Variants in FMNL1 observed in about 807,000 individuals in gnomAD.
FMNL1 encodes formin-like protein 1.
A neutral mutation model predicts 121.3 loss-of-function variants in FMNL1; 43 were observed. That is an observed-to-expected ratio of 0.35 (90% CI 0.28 to 0.46). FMNL1 has a LOEUF of 0.46. Ranked by LOEUF, FMNL1 falls within the 20% of genes least tolerant of loss-of-function variation. The probability of loss-of-function intolerance (pLI) is 1.00; values close to 1 mark genes in which losing one functional copy is unlikely to be tolerated. For synonymous variants in FMNL1, 613 were observed against 613.5 expected, an observed-to-expected ratio of 1.00 and a Z score of 0.01; for missense variants, 1,191 against 1,482.4, an observed-to-expected ratio of 0.80 and a Z score of 3.23.
intron 10 of FMNL1, 113 bp from the exon 11 acceptor site, chr17:45,238,842 T>G: frequency 9.1e-7 from 1 of 1,102,984 alleles, no homozygotes. Context: ...AGGCTGGGAG[T>G]TAGTGGAGTG....
chr17:45,238,757 G>A, intron 10 of FMNL1, 119 bp downstream of exon 10: 5 of 1,301,638 alleles, frequency 3.8e-6, no homozygotes, highest in Middle Eastern at 2.0e-4. Flanking sequence ...AGGACTGAGT[G>A]GTCAGTAGGG....
chr17:45,236,197 G>A lies in FMNL1; in HGVS notation c.676G>A (p.Asp226Asn), dbSNP rs2043546012. The A allele has an allele frequency of 6.2e-7, 1 of 1,614,006 alleles. No homozygotes were observed. The highest frequency in any genetic ancestry group is 8.5e-7 in the Non-Finnish European group (1 of 1,180,030). ...RNSRIVSQKD[D>N]VHVCIMCLRA... ...TTCCCGCATCGTCAGCCAGAAGGAC[G>A]ACGTCCACGTCTGTATTATGTGCCT... is the stretch of plus-strand genomic sequence containing the variant. Residue 226 changes from aspartate (D) to asparagine (N), a missense_variant, in exon 7 of 27, where the codon GAC becomes AAC. Physicochemically the swap from Asp to Asn is conservative, Grantham distance 23. Coordinates refer to ENST00000331495, the MANE Select transcript of FMNL1 (RefSeq NM_005892.4).
intron 19 of FMNL1, 47 bp from the exon 20 acceptor site, chr17:45,244,772 G>A (rs897289653): frequency 6.4e-7 from 1 of 1,571,844 alleles, no homozygotes; most frequent in African/African-American, 1.4e-5. Flanking sequence ...CTTAAGCGGT[G>A]TCCTCAGCTC....
intron 2 of FMNL1, 100 bp downstream of exon 2, chr17:45,230,787 C>A (rs918317363): frequency 3.1e-6 from 4 of 1,296,818 alleles, no homozygotes; most frequent in African/African-American, 2.9e-5. Context: ...CCATACTGCC[C>A]ATGGAGCCAA....
intron 23 of FMNL1, 70 bp downstream of exon 23, chr17:45,245,803 TG>T: frequency 7.4e-7 from 1 of 1,346,284 alleles, no homozygotes; most frequent in Non-Finnish European, 9.8e-7. Flanking sequence ...AGCGGAGGGG[TG>T]GGGCTGCTTC....
intron 11 of FMNL1, among the ~76,000 whole-genome samples, chr17:45,239,756 T>G (rs184770411): frequency 6.6e-6 from 1 of 151,754 alleles, no homozygotes; most frequent in Admixed American, 6.5e-5. Context: ...CTTGAAAACA[T>G]GCTAAGTGAA....
chr17:45,242,867 G>A (rs374676069), intron 16 of FMNL1, among the ~76,000 whole-genome samples: 12 of 152,170 alleles, frequency 7.9e-5, no homozygotes, highest in African/African-American at 1.9e-4. Context: ...CCTTTTTACC[G>A]CTGGCCAGTT....
chr17:45,243,327 G>A lies in FMNL1; in HGVS notation c.2213+7G>A, dbSNP rs1431658533. On this transcript the variant is annotated splice_region_variant and intron_variant, in intron 17 of 26. Coordinates refer to ENST00000331495, the MANE Select transcript of FMNL1 (RefSeq NM_005892.4). ...TCTGCCAAGCCATTGAGGCGTGAGT[G>A]TCCCTGTCCTGGGTTTGTGGGCAGT... 2.5e-6 allele frequency: 4 copies of A among 1,612,682 alleles called. No homozygotes were observed. The highest frequency in any genetic ancestry group is 2.2e-5 in the South Asian group (2 of 91,040).
chr17:45,243,192 C>T lies in FMNL1; in HGVS notation c.2085C>T (p.Leu695=). Residue 695 remains leucine (L), a synonymous_variant, in exon 17 of 27, where the codon CTC becomes CTT. Coordinates refer to ENST00000331495, the MANE Select transcript of FMNL1 (RefSeq NM_005892.4). ...SQGPSLDLSA[L]KSKAAQKAPS... ...GCCCCAGCCTGGACCTCAGCGCTCT[C>T]AAGAGTAAGGCAGCCCAGAAGGCCC... is the stretch of plus-strand genomic sequence containing the variant. 1.2e-6 allele frequency: 2 copies of T among 1,614,226 alleles called. No homozygotes were observed. Among genetic ancestry groups the T allele is most frequent in the Non-Finnish European group, 1.7e-6 (2 of 1,180,040 alleles).
chr17:45,238,476 G>A, intron 9 of FMNL1, 88 bp from the exon 10 acceptor site: 1 of 1,344,892 alleles, frequency 7.4e-7, no homozygotes, highest in Non-Finnish European at 1.1e-6. Context: ...AACTGGAGAG[G>A]AGCCTGTTGA....
Position 45,231,311 on chromosome 17 carries a change from G to A in FMNL1, c.213+624G>A, listed in dbSNP as rs2043433033. 1 of 152,204 alleles carries A rather than the reference G, an allele frequency of 6.6e-6. No individual in the cohort carries two copies. The highest frequency in any genetic ancestry group is 2.1e-4 in the South Asian group (1 of 4,864). The allele number at this position is 152,204 out of a possible 1,614,324, so 9.4% of individuals were successfully genotyped here. On this transcript the variant is annotated intron_variant, in intron 2 of 26. Transcript: ENST00000331495. This position sits in a 1 kb window ranked among gnomAD's most constrained non-coding sequence, Gnocchi z 4.7. ...GGCTCGGCTGCCGCAGGGATTCTGT[G>A]AAGGAGGGAGGCTGCAGAGGCTGGG...
Position 45,243,285 on chromosome 17 carries a change from C to T in FMNL1, c.2178C>T (p.Asn726=). ...TGGCCATCACCCTGCGGAAGGGCAACCTGGGGGCCGAGCGCATCTGCCAAG... is the reference window on the plus strand; with the variant it reads ...TGGCCATCACCCTGCGGAAGGGCAATCTGGGGGCCGAGCGCATCTGCCAAG... ...KNLAITLRKG[N]LGAERICQAI... The change falls in exon 17 of 27, where the codon AAC becomes AAT. Residue 726 remains asparagine, a synonymous_variant. Transcript: ENST00000331495. The T allele has an allele frequency of 6.2e-7, 1 of 1,613,750 alleles. No homozygotes were observed. Among genetic ancestry groups the T allele is most frequent in the South Asian group, 1.1e-5 (1 of 91,080 alleles).
Position 45,237,514 on chromosome 17 carries a change from C to A in FMNL1, c.801-32C>A, listed in dbSNP as rs377527873. 1.9e-6 allele frequency: 3 copies of A among 1,613,656 alleles called. No individual in the cohort carries two copies. The highest frequency in any genetic ancestry group is 2.5e-6 in the Non-Finnish European group (3 of 1,179,596). ...ACCCTTGCCGCGGGTCCTGCCTGTT[C>A]TCAAGGGACAACCTGCCCCTTCTCT... On this transcript the variant is annotated intron_variant, in intron 8 of 26. Coordinates refer to ENST00000331495, the MANE Select transcript of FMNL1 (RefSeq NM_005892.4). The surrounding 1 kb of genome is among the most constrained non-coding windows in gnomAD (Gnocchi z 4.4).
Position 45,245,422 on chromosome 17 carries a change from C to G in FMNL1, c.2892+6C>G. The G allele has an allele frequency of 6.2e-7, 1 of 1,614,080 alleles. No homozygotes were observed. The highest frequency in any genetic ancestry group is 1.1e-5 in the South Asian group (1 of 91,076). On this transcript the variant is annotated splice_donor_region_variant and intron_variant, in intron 22 of 26. Transcript: ENST00000331495. ...CAGACAGCAAGACGGCTCAGGTGCG[C>G]CAGGGCTGGCCTCACCTGGAGGTGG...
Position 45,232,349 on chromosome 17 carries a change from C to T in FMNL1, c.214-18C>T, listed in dbSNP as rs1338631595. Reference sequence around the variant, plus strand: ...TAGCTCTGGCTGGTTTTCTGTACACCCCATTCCATCTCCCCAGGAGCGGTT... The same window carrying T: ...TAGCTCTGGCTGGTTTTCTGTACACTCCATTCCATCTCCCCAGGAGCGGTT... On this transcript the variant is annotated intron_variant, in intron 2 of 26. Transcript: ENST00000331495. The T allele has an allele frequency of 6.2e-7, 1 of 1,611,814 alleles. No individual in the cohort carries two copies. Among genetic ancestry groups the T allele is most frequent in the East Asian group, 2.2e-5 (1 of 44,880 alleles).
At chr17:45,235,934 C>T (rs957347438) in intron 6 of FMNL1, among the ~76,000 whole-genome samples, 2 of 152,174 alleles carry the variant, frequency 1.3e-5, no homozygotes, top group Admixed American at 6.5e-5. Context: ...TTCTGTGTCC[C>T]CCCTCCTCCA....
At chr17:45,242,999 A>G (rs74894402) in intron 16 of FMNL1, 119 bp from the exon 17 acceptor site, 35,386 of 1,089,102 alleles carry the variant, frequency 0.032, 2,335 homozygotes, top group East Asian at 0.27. Context: ...AGGCTGGGTT[A>G]CTGGTTCTCT....
At chr17:45,229,881 C>T (rs1287613156) in intron 1 of FMNL1, among the ~76,000 whole-genome samples, 1 of 152,170 alleles carries the variant, frequency 6.6e-6, no homozygotes, top group Non-Finnish European at 1.5e-5. Flanking sequence ...TGGCTCTTCT[C>T]CCCAGTGCTG....
Position 45,231,827 on chromosome 17 carries a change from CCCG to C in FMNL1, c.214-536_214-534del, listed in dbSNP as rs1183521631. Among the ~76,000 whole-genome samples the C allele has an allele frequency of 6.6e-6, 1 of 152,146 alleles. No individual in the cohort carries two copies. The highest frequency in any genetic ancestry group is 1.5e-5 in the Non-Finnish European group (1 of 67,994). The stretch of plus-strand genomic sequence containing the variant: ...CACGAGGCACCTCCAGCCGTCCTTC[CCCG>C]CCGTATGCCAGCTCTGGTCCAGGGA... On this transcript the variant is annotated intron_variant, in intron 2 of 26. Coordinates refer to ENST00000331495, the MANE Select transcript of FMNL1 (RefSeq NM_005892.4). This position sits in a 1 kb window ranked among gnomAD's most constrained non-coding sequence, Gnocchi z 4.7.
Sources: gnomAD v4.1 joint callset for allele counts (sites outside exome capture counted in the v4.1 genomes callset) on GRCh38, gnomAD v4.1.1 for gene constraint, Gnocchi (gnomAD v3.1) non-coding constraint, MANE v1.5 for transcripts, NCBI Gene and HGNC (gene_info 2026-07-23, HGNC 2026-07-21) for gene names.